The following DMAC2 variants were observed in gnomAD, a reference collection of about 807,000 sequenced individuals.
DMAC2 encodes the protein distal membrane arm assembly component 2.
A neutral mutation model predicts 29.6 loss-of-function variants in DMAC2; 32 were observed. The ratio of observed to expected loss-of-function variants is 1.08; its 90% CI spans 0.81 to 1.45. DMAC2 has a LOEUF of 1.45. Among genes scored for constraint, DMAC2 ranks in the 40% most tolerant of loss-of-function variants. DMAC2 has a pLI of 0.00. For synonymous variants in DMAC2, 133 were observed against 137.4 expected, an observed-to-expected ratio of 0.97 and a Z score of 0.23; for missense variants, 319 against 340.0, an observed-to-expected ratio of 0.94 and a Z score of 0.49.
chr19:41,436,189 T>C (rs765417116), intron 3 of DMAC2, among the ~76,000 whole-genome samples: 2 of 152,222 alleles, frequency 1.3e-5, no homozygotes, highest in Non-Finnish European at 2.9e-5. Context: ...GTTCACTCTT[T>C]ATAGCAAACC....
chr19:41,432,568 C>CGTGCGT (rs2039579231), intron 5 of DMAC2, 160 bp from the exon 6 acceptor site: 5 of 518,934 alleles, frequency 9.6e-6, no homozygotes, highest in Admixed American at 6.6e-5. Context: ...ACAGTGTGTG[C>CGTGCGT]GTGTGTGTGT....
chr19:41,433,488 C>T (rs782795660), intron 4 of DMAC2, 49 bp downstream of exon 4: 1 of 1,612,956 alleles, frequency 6.2e-7, no homozygotes, highest in Admixed American at 1.7e-5. Context: ...AGCCCATCAC[C>T]AAAGGGAAAA....
intron 3 of DMAC2, among the ~76,000 whole-genome samples, chr19:41,434,350 G>A (rs1449340151): frequency 1.4e-5 from 2 of 144,748 alleles, no homozygotes; most frequent in African/African-American, 5.1e-5. Context: ...CGAGGCTGTA[G>A]TGAGTTGTGA....
intron 5 of DMAC2, chr19:41,432,876 G>A: frequency 1.9e-6 from 1 of 532,384 alleles, no homozygotes; most frequent in South Asian, 2.8e-5. Context: ...GTGCGTGTGT[G>A]TGTGTGCGTG....
intron 5 of DMAC2, chr19:41,432,738 T>C: frequency 2.8e-6 from 1 of 353,320 alleles, no homozygotes; most frequent in Non-Finnish European, 5.0e-6. Flanking sequence ...TGTAGGGAGG[T>C]ACAGACAGCG....
In DMAC2 at chr19:41,433,059, T is replaced by G. The variant is rs1470749311; in HGVS notation, c.596+213A>C. The G allele has an allele frequency of 5.1e-6, 3 of 591,566 alleles. No individual in the cohort carries two copies. The African/African-American group carries it at 5.7e-5, about 11-fold the overall frequency. 36.6% of individuals were successfully genotyped at this position (591,566 alleles called of 1,614,324 possible). On this transcript the variant is annotated intron_variant, in intron 5 of 5. Coordinates refer to ENST00000221943, the MANE Select transcript of DMAC2 (RefSeq NM_018035.3). ...GCAACAGCGTCGATATCACACAGTT[T>G]TGACTAAAACAAAAAGGAAGAAAAC...
intron 5 of DMAC2, chr19:41,432,787 T>TGTGC (rs1470091768): frequency 2.3e-5 from 3 of 130,558 alleles, no homozygotes; most frequent in East Asian, 1.6e-4. Context: ...AGCGTGCGTG[T>TGTGC]GTGTGTGTGT....
chr19:41,435,764 C>G (rs2039824457), intron 3 of DMAC2, among the ~76,000 whole-genome samples: 1 of 151,450 alleles, frequency 6.6e-6, no homozygotes, highest in African/African-American at 2.4e-5. Context: ...TCTCACAAAG[C>G]TGCTGAGGCT....
At chr19:41,432,442 T>A in intron 5 of DMAC2, 34 bp from the exon 6 acceptor site, 1 of 1,605,598 alleles carries the variant, frequency 6.2e-7, no homozygotes. Context: ...GAAGCCAGTG[T>A]AAGGACAGCA....
At position 41,433,569 on chromosome 19, in the gene DMAC2, C is replaced by T; in HGVS notation, c.401G>A (p.Cys134Tyr). The change falls in exon 4 of 6, where the codon TGT becomes TAT. Residue 134 changes from cysteine to tyrosine, a missense_variant. Physicochemically the swap from Cys to Tyr is radical, Grantham distance 194. Transcript: ENST00000221943. ...ATCCAGGCCCTCGTAGTTGATGTCACAGTCACCGGCATCCACAGCTTCGAC... is the reference window on the plus strand; with the variant it reads ...ATCCAGGCCCTCGTAGTTGATGTCATAGTCACCGGCATCCACAGCTTCGAC... ...VPVEAVDAGD[C>Y]DINYEGLDNL... 1 of 1,614,218 alleles carries T rather than the reference C, an allele frequency of 6.2e-7. No individual in the cohort carries two copies. Among genetic ancestry groups the T allele is most frequent in the Non-Finnish European group, 8.5e-7 (1 of 1,180,030 alleles).
In DMAC2 at chr19:41,439,078, T is replaced by TA. The variant is rs782218732; in HGVS notation, c.19-665dup. 6.2e-5 allele frequency: 12 copies of TA among 194,248 alleles called. No homozygotes were observed. The Admixed American group carries it at 6.3e-4, about 10-fold the overall frequency. The allele number at this position is 194,248 out of a possible 1,614,324, so 12.0% of individuals were successfully genotyped here. ...TTGGACACCCCTGAACCGAGAAGGG[T>TA]ATAAAAAGCATGAGCTTTGAAGAGG... On this transcript the variant is annotated intron_variant, in intron 1 of 5. Coordinates refer to ENST00000221943, the MANE Select transcript of DMAC2 (RefSeq NM_018035.3).
intron 1 of DMAC2, 115 bp downstream of exon 1, chr19:41,439,767 G>C: frequency 6.5e-7 from 1 of 1,547,740 alleles, no homozygotes; most frequent in South Asian, 1.1e-5. Flanking sequence ...GGGCTTGCCA[G>C]GCTTAGCCTG....
rs369394854 is a variant in DMAC2, at chr19:41,436,360, C to T, written c.296+32G>A. 1.6e-5 allele frequency: 26 copies of T among 1,599,376 alleles called. 1 individual carries two copies. In the Middle Eastern group the frequency reaches 1.2e-3, roughly 71 times the overall value. ...GTTAGAGAGATACCCCACCACCTGC[C>T]CCAGCCCGTTCTAACACCTTAGCGG... On this transcript the variant is annotated intron_variant, in intron 3 of 5. Coordinates refer to ENST00000221943, the MANE Select transcript of DMAC2 (RefSeq NM_018035.3).
chr19:41,439,715 C>G lies in DMAC2; in HGVS notation c.18+167G>C, dbSNP rs75258739. 2,854 of 1,334,546 alleles carry G rather than the reference C, an allele frequency of 2.1e-3. 51 individuals carry two copies. The African/African-American group carries it at 0.036, about 17-fold the overall frequency. 82.7% of individuals were successfully genotyped at this position (1,334,546 alleles called of 1,614,324 possible). The stretch of plus-strand genomic sequence containing the variant: ...CCTCCGCCTGCGACCCTCACAGATC[C>G]TTCCTGGCCCCCACTAGCCACAGGT... On this transcript the variant is annotated intron_variant, in intron 1 of 5. Coordinates refer to ENST00000221943, the MANE Select transcript of DMAC2 (RefSeq NM_018035.3).
At chr19:41,438,509 C>A in intron 1 of DMAC2, 95 bp from the exon 2 acceptor site, 1 of 1,053,842 alleles carries the variant, frequency 9.5e-7, no homozygotes, top group Non-Finnish European at 1.3e-6. Context: ...CTCAATCCCT[C>A]TGCTTCCCAA....
At position 41,433,545 on chromosome 19, in the gene DMAC2, T is replaced by A. The variant is rs781964026; in HGVS notation, c.425A>T (p.Asp142Val). The change falls in exon 4 of 6, where the codon GAT becomes GTT. Residue 142 changes from aspartate (D) to valine (V), a missense_variant. Transcript: ENST00000221943. ...CACCCCACCGCACTCACGGAGGTTA[T>A]CCAGGCCCTCGTAGTTGATGTCACA... Reference protein sequence around the residue: ...GDCDINYEGLDNLLRLKELQS... With the variant: ...GDCDINYEGLVNLLRLKELQS... 1.2e-6 allele frequency: 2 copies of A among 1,614,194 alleles called. No homozygotes were observed. The highest frequency in any genetic ancestry group is 2.2e-5 in the South Asian group (2 of 91,086).
Position 41,432,706 on chromosome 19 carries a change from C to CGTGTGTGTGTGTGTGT in DMAC2, c.597-314_597-299dup, listed in dbSNP as rs72065187. 372 of 209,038 alleles carry CGTGTGTGTGTGTGTGT rather than the reference C, an allele frequency of 1.8e-3. 12 individuals are homozygous for CGTGTGTGTGTGTGTGT. The highest frequency in any genetic ancestry group is 0.017 in the African/African-American group (333 of 19,992). The allele number at this position is 209,038 out of a possible 1,614,324, so 12.9% of individuals were successfully genotyped here. ...GGGAGATAAGCCAGTATAAGGACAG[C>CGTGTGTGTGTGTGTGT]GTGTGTGTGTGTGTGTGTGTGTGTA... On this transcript the variant is annotated intron_variant, in intron 5 of 5. Transcript: ENST00000221943.
intron 1 of DMAC2, chr19:41,439,328 T>A (rs1600036777): frequency 1.8e-6 from 1 of 559,296 alleles, no homozygotes; most frequent in Non-Finnish European, 3.1e-6. Context: ...TGATTTTAAA[T>A]CCTCTGAAAG....
intron 5 of DMAC2, chr19:41,432,801 T>TACAGACA (rs2039630893): frequency 5.9e-6 from 3 of 509,034 alleles, no homozygotes; most frequent in South Asian, 2.5e-5. Flanking sequence ...TGTGTGTGTG[T>TACAGACA]GTGTGTGTGT....
Sources: allele counts gnomAD v4.1 joint callset (sites outside exome capture counted in the v4.1 genomes callset), GRCh38; gene constraint gnomAD v4.1.1; transcripts MANE v1.5; gene names NCBI Gene and HGNC (gene_info 2026-07-23, HGNC 2026-07-21).